The following PPL variants were observed in gnomAD, a reference collection of about 807,000 sequenced individuals.
PPL encodes periplakin.
A neutral mutation model predicts 194.4 loss-of-function variants in PPL; 198 were observed. The observed-to-expected ratio is 1.02, with a 90% CI of 0.91 to 1.15. The LOEUF (loss-of-function observed/expected upper bound fraction) is 1.15, where lower values mean the gene tolerates loss of function less well. PPL is among the 50% of genes most tolerant of loss of function. The pLI, the probability that PPL is intolerant of heterozygous loss-of-function variation, is 0.00. For synonymous variants in PPL, 1,220 were observed against 972.4 expected, an observed-to-expected ratio of 1.25 and a Z score of -4.74; for missense variants, 2,885 against 2,294.8, an observed-to-expected ratio of 1.26 and a Z score of -5.25.
In PPL at chr16:4,883,758, T is replaced by A; in HGVS notation, c.4897A>T (p.Ile1633Phe). 1.2e-6 allele frequency: 2 copies of A among 1,614,060 alleles called. No homozygotes were observed. Among genetic ancestry groups the A allele is most frequent in the Middle Eastern group, 3.3e-4 (2 of 6,062 alleles). ...KRLSKDKDLE[I>F]DELQKRLGSV... ...CCCAGGCGCTTCTGCAGCTCGTCGA[T>A]CTCGAGGTCTTTGTCCTTGGAGAGC... The change falls in exon 22 of 22, where the codon ATC (isoleucine) becomes TTC (phenylalanine). Residue 1633 changes from isoleucine (I) to phenylalanine (F), a missense_variant. Physicochemically the swap from Ile to Phe is conservative, Grantham distance 21 (BLOSUM62 0). Coordinates refer to ENST00000345988, the MANE Select transcript of PPL (RefSeq NM_002705.5). The surrounding 1 kb of genome is among the most constrained non-coding windows in gnomAD (Gnocchi z 4.8).
At chr16:4,923,816 C>T (rs550828015) in intron 1 of PPL, among the ~76,000 whole-genome samples, 2 of 152,094 alleles carry the variant, frequency 1.3e-5, no homozygotes, top group East Asian at 1.9e-4. Context: ...TGGGTGTGGC[C>T]GCACCATGAT....
rs2088806237 is a variant in PPL at position 4,910,889 on chromosome 16, C to T, written c.123G>A (p.Val41=). The T allele has an allele frequency of 2.5e-6, 4 of 1,613,952 alleles. No homozygotes were observed. In the South Asian group the frequency reaches 4.4e-5, roughly 18 times the overall value. The stretch of plus-strand genomic sequence containing the variant: ...CCTCTGTGTCCACGATGTTCTTCTC[C>T]ACCTGGTCGGCATTCTTCTGCAGCT... ...IEQLQKNADQ[V]EKNIVDTEAK... The change falls in exon 2 of 22, where the codon GTG becomes GTA. Residue 41 remains valine (V), a synonymous_variant. Transcript: ENST00000345988.
At chr16:4,920,333 A>AAGAAAGAGAGAG (rs71386503) in intron 1 of PPL, among the ~76,000 whole-genome samples, 7 of 73,784 alleles carry the variant, frequency 9.5e-5, no homozygotes, top group Non-Finnish European at 1.5e-4. Flanking sequence ...GAAAGAAAGA[A>AAGAAAGAGAGAG]AGAGAGAGAG....
intron 10 of PPL, 62 bp from the exon 11 acceptor site, chr16:4,895,469 G>A (rs972851100): frequency 5.6e-6 from 9 of 1,604,382 alleles, no homozygotes; most frequent in Non-Finnish European, 5.1e-6. Context: ...GTGGGAGGAC[G>A]CAGAGCAGGG....
chr16:4,909,149 TG>T (rs2088767276), intron 2 of PPL, among the ~76,000 whole-genome samples: 1 of 152,000 alleles, frequency 6.6e-6, no homozygotes, highest in Non-Finnish European at 1.5e-5. Context: ...GGCCCACTCC[TG>T]GGGCCCCTGC....
At chr16:4,898,286 G>A (rs931208665) in intron 8 of PPL, among the ~76,000 whole-genome samples, 2 of 152,196 alleles carry the variant, frequency 1.3e-5, no homozygotes, top group African/African-American at 4.8e-5. Flanking sequence ...GCTGAGGCAG[G>A]AGAATTGCTT....
At chr16:4,901,469 G>C (rs1047491827) in intron 4 of PPL, among the ~76,000 whole-genome samples, 1 of 152,094 alleles carries the variant, frequency 6.6e-6, no homozygotes, top group Non-Finnish European at 1.5e-5. Context: ...GGGTCGGATC[G>C]CTTGAGCCCA....
intron 21 of PPL, among the ~76,000 whole-genome samples, chr16:4,886,359 T>A (rs143776447): frequency 2.0e-5 from 3 of 152,322 alleles, no homozygotes; most frequent in African/African-American, 7.2e-5. Flanking sequence ...CACAAGAATA[T>A]CTGTCTGTAG....
At chr16:4,915,578 C>A (rs1368292990) in intron 1 of PPL, among the ~76,000 whole-genome samples, 4 of 152,230 alleles carry the variant, frequency 2.6e-5, no homozygotes, top group Admixed American at 1.3e-4. Context: ...CAGGGTCACA[C>A]AGCTGGTGAA....
intron 1 of PPL, among the ~76,000 whole-genome samples, chr16:4,929,184 CCTTT>C (rs35617659): frequency 0.023 from 3,442 of 152,128 alleles, 144 homozygotes; most frequent in African/African-American, 0.079. Context: ...AACCTCAAGG[CCTTT>C]CTGTGTTCAT....
At chr16:4,904,519 G>A (rs2088642970) in intron 2 of PPL, among the ~76,000 whole-genome samples, 1 of 152,184 alleles carries the variant, frequency 6.6e-6, no homozygotes, top group Non-Finnish European at 1.5e-5. Flanking sequence ...CTGGTGGTCA[G>A]GGAAGCCTCT....
chr16:4,914,530 C>T (rs934360061), intron 1 of PPL, among the ~76,000 whole-genome samples: 1 of 152,142 alleles, frequency 6.6e-6, no homozygotes, highest in Non-Finnish European at 1.5e-5. Context: ...CTGGATACAC[C>T]GGAGCTGGGG....
Position 4,884,056 on chromosome 16 carries a change from C to T in PPL, c.4599G>A (p.Leu1533=), listed in dbSNP as rs962636344. The change falls in exon 22 of 22, where the codon CTG becomes CTA. Residue 1533 remains leucine, a synonymous_variant. Transcript: ENST00000345988. The surrounding 1 kb of genome is among the most constrained non-coding windows in gnomAD (Gnocchi z 5.7). ...CTTCCAGCCGGCTCACCTCGACGTC[C>T]AGCTCGCGCTTGCTGCGGCTCTCCT... ...LEEESRSKRE[L]DVEVSRLEAR... 1.2e-6 allele frequency: 2 copies of T among 1,613,424 alleles called. No homozygotes were observed. The highest frequency in any genetic ancestry group is 1.7e-6 in the Non-Finnish European group (2 of 1,180,022).
intron 20 of PPL, 48 bp from the exon 21 acceptor site, chr16:4,887,275 G>C (rs1202824958): frequency 7.1e-7 from 1 of 1,399,004 alleles, no homozygotes; most frequent in Admixed American, 1.7e-5. Context: ...GGTGTCAACA[G>C]GGTAAGCAAC....
chr16:4,883,353 C>T lies in PPL; in HGVS notation c.*31G>A. The stretch of plus-strand genomic sequence containing the variant: ...CTGCGTCGTAGGAGAGGGCCAGCGT[C>T]TGCCGTTACGAAGAGTTGCAAGAGC... On this transcript the variant is annotated 3_prime_UTR_variant, in exon 22 of 22. Transcript: ENST00000345988. The surrounding 1 kb of genome is among the most constrained non-coding windows in gnomAD (Gnocchi z 4.8). 1.9e-6 allele frequency: 3 copies of T among 1,611,782 alleles called. No individual in the cohort carries two copies. Among genetic ancestry groups the T allele is most frequent in the Admixed American group, 1.7e-5 (1 of 59,904 alleles).
Position 4,893,235 on chromosome 16 carries a change from G to T in PPL, c.1628C>A (p.Ala543Asp), listed in dbSNP as rs1303418367. ...LEQGRAVQDS[A>D]ERAKDLKNIT... ...TACCTTGAGGTCCTTGGCCCGCTCG[G>T]CACTGTCCTGCACAGCCCGGCCTTG... The change falls in exon 14 of 22, where the codon GCC (alanine) becomes GAC (aspartate). Residue 543 changes from alanine to aspartate, a missense_variant. Physicochemically the swap from Ala to Asp is moderately radical, Grantham distance 126 (BLOSUM62 -2). Transcript: ENST00000345988. 6 of 1,582,934 alleles carry T rather than the reference G, an allele frequency of 3.8e-6. No individual in the cohort carries two copies. The highest frequency in any genetic ancestry group is 4.3e-6 in the Non-Finnish European group (5 of 1,169,112).
chr16:4,883,131 A>G lies in PPL; in HGVS notation c.*253T>C. On this transcript the variant is annotated 3_prime_UTR_variant, in exon 22 of 22. Coordinates refer to ENST00000345988, the MANE Select transcript of PPL (RefSeq NM_002705.5). This position sits in a 1 kb window ranked among gnomAD's most constrained non-coding sequence, Gnocchi z 4.8. The stretch of plus-strand genomic sequence containing the variant: ...GGGAGTGTACAGGAAAAGGGAGGAA[A>G]AGGCATCGCAGTTGTCCAGTCATTG... 2.0e-6 allele frequency: 1 copy of G among 502,438 alleles called. No homozygotes were observed. The allele number at this position is 502,438 out of a possible 1,614,324, so 31.1% of individuals were successfully genotyped here.
At chr16:4,897,545 G>T (rs1242852979) in intron 9 of PPL, 130 bp downstream of exon 9, 8 of 662,582 alleles carry the variant, frequency 1.2e-5, no homozygotes. Context: ...GGTGCTGGGG[G>T]CCTGGGATGG....
intron 6 of PPL, among the ~76,000 whole-genome samples, chr16:4,900,292 T>C (rs1388329141): frequency 6.6e-6 from 1 of 152,030 alleles, no homozygotes; most frequent in Non-Finnish European, 1.5e-5. Flanking sequence ...AATAAAGAAA[T>C]GAGCAGGACA....
Sources: gnomAD v4.1 joint callset for allele counts (sites outside exome capture counted in the v4.1 genomes callset) on GRCh38, gnomAD v4.1.1 for gene constraint, Gnocchi (gnomAD v3.1) non-coding constraint, MANE v1.5 for transcripts, NCBI Gene and HGNC (gene_info 2026-07-23, HGNC 2026-07-21) for gene names.